PCDH7: variants seen among roughly 807,000 people sequenced by gnomAD.
The protein encoded by PCDH7 is protocadherin-7.
In PCDH7, 17 loss-of-function variants were observed where a neutral mutation model predicts 58.9. The ratio of observed to expected loss-of-function variants is 0.29; its 90% CI spans 0.20 to 0.43. The LOEUF (loss-of-function observed/expected upper bound fraction) is 0.43, where lower values mean the gene tolerates loss of function less well. Among genes scored for constraint, PCDH7 ranks in the 20% least tolerant of loss-of-function variants. PCDH7 has a pLI of 1.00. For synonymous variants in PCDH7, 664 were observed against 616.4 expected (o/e 1.08, Z -1.14); for missense variants, 1,274 against 1,441.0 (o/e 0.88, Z 1.88).
chr4:30,801,144 GTTAGATGTTGGGAAAAGA>G (rs1156885824), intron 1 of PCDH7, among the ~76,000 whole-genome samples: 5 of 152,198 alleles, frequency 3.3e-5, no homozygotes, highest in Non-Finnish European at 7.3e-5. Flanking sequence ...TTGGTAGGTG[GTTAGATGTTGGGAAAAGA>G]TTAGATGTTG....
intron 1 of PCDH7, among the ~76,000 whole-genome samples, chr4:30,915,586 C>T (rs531057232): frequency 8.1e-4 from 124 of 152,168 alleles, no homozygotes; most frequent in African/African-American, 2.9e-3. Flanking sequence ...TGCGGTGGCG[C>T]GATCTCGGCT....
chr4:31,023,151 G>A (rs941970424), intron 3 of PCDH7, among the ~76,000 whole-genome samples: 19 of 152,144 alleles, frequency 1.2e-4, no homozygotes, highest in Non-Finnish European at 5.9e-5. Flanking sequence ...GTGAGGTCAA[G>A]GTTTAAAAGC....
intron 1 of PCDH7, among the ~76,000 whole-genome samples, chr4:30,760,231 A>G (rs1331855105): frequency 6.6e-6 from 1 of 152,164 alleles, no homozygotes; most frequent in East Asian, 1.9e-4. Flanking sequence ...AACATTAAGG[A>G]GGAAGAAGTA....
chr4:30,815,591 G>A (rs185698390), intron 1 of PCDH7, among the ~76,000 whole-genome samples: 4 of 152,278 alleles, frequency 2.6e-5, no homozygotes, highest in Admixed American at 2.0e-4. Flanking sequence ...ACGCATGCGC[G>A]GTGTGTTTAC....
At chr4:30,904,134 T>C (rs1740591985) in intron 1 of PCDH7, among the ~76,000 whole-genome samples, 1 of 152,128 alleles carries the variant, frequency 6.6e-6, no homozygotes, top group Non-Finnish European at 1.5e-5. Flanking sequence ...CTCCCCACCA[T>C]AACCAGGATC....
chr4:31,106,018 A>AT (rs1165939267), intron 3 of PCDH7, among the ~76,000 whole-genome samples: 37 of 123,196 alleles, frequency 3.0e-4, no homozygotes, highest in East Asian at 2.2e-3. Flanking sequence ...AAAAAAGAAA[A>AT]AAAAAATATA....
At chr4:30,936,878 G>A (rs186140767) in intron 2 of PCDH7, among the ~76,000 whole-genome samples, 232 of 152,100 alleles carry the variant, frequency 1.5e-3, no homozygotes, top group African/African-American at 5.4e-3. Context: ...AAGGTAAGAA[G>A]AATCAATACC....
chr4:30,954,064 T>C (rs945826706), intron 3 of PCDH7, among the ~76,000 whole-genome samples: 7 of 152,084 alleles, frequency 4.6e-5, no homozygotes, highest in Non-Finnish European at 1.0e-4. Context: ...GCAAAGTAAA[T>C]TCTTCATTTA....
intron 1 of PCDH7, among the ~76,000 whole-genome samples, chr4:30,807,686 G>A (rs1168837390): frequency 6.6e-6 from 1 of 151,972 alleles, no homozygotes; most frequent in African/African-American, 2.4e-5. Context: ...AGTTCTGGTT[G>A]CGTTTTTAAA....
intron 3 of PCDH7, among the ~76,000 whole-genome samples, chr4:31,077,669 G>C (rs1324655313): frequency 6.6e-6 from 1 of 152,130 alleles, no homozygotes; most frequent in Non-Finnish European, 1.5e-5. Context: ...TTAAGAGCTT[G>C]CTTTGGTGAG....
rs561509019 is a variant in PCDH7 at position 31,072,853 on chromosome 4, G to A, written c.*8-69620G>A. 2.6e-5 allele frequency among the ~76,000 whole-genome samples: 4 copies of A among 152,232 alleles called. No individual in the cohort carries two copies. In the East Asian group the frequency reaches 5.8e-4, roughly 22 times the overall value. ...GAGTGTAACACTAGAAAAACGTTCA[G>A]AAATGAATAAAATATAGCAGCTGTG... is the stretch of plus-strand genomic sequence containing the variant. On this transcript the variant is annotated intron_variant, in intron 3 of 3. Coordinates refer to the PCDH7 transcript ENST00000509759.
chr4:30,744,719 C>T (rs1005431421), intron 1 of PCDH7, among the ~76,000 whole-genome samples: 8 of 152,212 alleles, frequency 5.3e-5, no homozygotes, highest in Admixed American at 5.2e-4. Context: ...GTCTTGCAAC[C>T]TTGGCCATAG....
At chr4:31,005,138 T>C (rs762811788) in intron 3 of PCDH7, among the ~76,000 whole-genome samples, 4 of 152,222 alleles carry the variant, frequency 2.6e-5, no homozygotes, top group Non-Finnish European at 5.9e-5. Flanking sequence ...AAATGGTTTA[T>C]CTTGTAAAAG....
At chr4:30,808,209 G>A (rs1429018685) in intron 1 of PCDH7, among the ~76,000 whole-genome samples, 3 of 152,136 alleles carry the variant, frequency 2.0e-5, no homozygotes, top group Non-Finnish European at 2.9e-5. Context: ...GAGCACAGTC[G>A]ATAAATTTCA....
At chr4:30,798,223 C>A (rs1006483911) in intron 1 of PCDH7, among the ~76,000 whole-genome samples, 2 of 152,158 alleles carry the variant, frequency 1.3e-5, no homozygotes, top group African/African-American at 4.8e-5. Context: ...GGGAGTCAGA[C>A]AGCAGAGGTC....
At position 31,028,925 on chromosome 4, in the gene PCDH7, G is replaced by T. The variant is rs562007232; in HGVS notation, c.*7+78710G>T. On this transcript the variant is annotated intron_variant, in intron 3 of 3. Coordinates refer to the PCDH7 transcript ENST00000509759. Reference sequence around the variant, plus strand: ...CAGTAATGAGGAGCAACCCCAAACTGGTTGTGTGACATTGATATATTTTGA... The same window carrying T: ...CAGTAATGAGGAGCAACCCCAAACTTGTTGTGTGACATTGATATATTTTGA... Among the ~76,000 whole-genome samples the T allele has an allele frequency of 7.9e-5, 12 of 152,256 alleles. No homozygotes were observed. In the East Asian group the frequency reaches 1.2e-3, roughly 15 times the overall value.
intron 1 of PCDH7, among the ~76,000 whole-genome samples, chr4:30,835,982 A>C (rs2109334480): frequency 6.6e-6 from 1 of 152,310 alleles, no homozygotes; most frequent in Admixed American, 6.5e-5. Context: ...CTACTTTACT[A>C]CCTTACCTTA....
At chr4:30,971,648 A>C (rs1036610801) in intron 3 of PCDH7, among the ~76,000 whole-genome samples, 1 of 152,206 alleles carries the variant, frequency 6.6e-6, no homozygotes, top group African/African-American at 2.4e-5. Context: ...TTTGACAAGG[A>C]TGCACAGTAA....
chr4:30,927,846 T>C (rs1744083133), intron 2 of PCDH7, among the ~76,000 whole-genome samples: 1 of 102,420 alleles, frequency 9.8e-6, no homozygotes, highest in Non-Finnish European at 2.1e-5. Flanking sequence ...CACCCAAGAA[T>C]GATCAATAAA....
Sources: allele counts gnomAD v4.1 joint callset (sites outside exome capture counted in the v4.1 genomes callset), GRCh38; gene constraint gnomAD v4.1.1; transcripts MANE v1.5; gene names NCBI Gene and HGNC (gene_info 2026-07-23, HGNC 2026-07-21).